The following POLRMT variants were observed in gnomAD, a reference collection of about 807,000 sequenced individuals.
POLRMT encodes the protein DNA-directed RNA polymerase, mitochondrial.
A neutral mutation model predicts 132.2 loss-of-function variants in POLRMT; 114 were observed. That is an observed-to-expected ratio of 0.86 (90% CI 0.74 to 1.01). The LOEUF (loss-of-function observed/expected upper bound fraction) is 1.01. Ranked by LOEUF, POLRMT falls within the 50% of genes least tolerant of loss-of-function variation. The probability of loss-of-function intolerance (pLI) is 0.00; values close to 1 mark genes in which losing one functional copy is unlikely to be tolerated. For missense variants in POLRMT, 2,003 were observed against 1,729.1 expected (o/e 1.16, Z -2.81); for synonymous variants, 1,020 against 773.4 (o/e 1.32, Z -5.29).
Position 621,356 on chromosome 19 carries a change from T to C in POLRMT, c.2342A>G (p.Tyr781Cys). The C allele has an allele frequency of 2.5e-6, 4 of 1,576,562 alleles. No individual in the cohort carries two copies. The highest frequency in any genetic ancestry group is 3.4e-6 in the Non-Finnish European group (4 of 1,169,628). ...EMHSLRAEAL[Y>C]RLSLAQHLRD... ...CAGGTGCTGCGCCAGCGAGAGGCGG[T>C]ACAGCGCCTCCGCCCGCAGGCTGTG... The change falls in exon 10 of 21, where the codon TAC (tyrosine) becomes TGC (cysteine). Residue 781 changes from tyrosine to cysteine, a missense_variant. Physicochemically the swap from Tyr to Cys is radical, Grantham distance 194. Coordinates refer to ENST00000588649, the MANE Select transcript of POLRMT (RefSeq NM_005035.4).
intron 5 of POLRMT, among the ~76,000 whole-genome samples, chr19:624,437 T>G (rs1429647306): frequency 6.6e-6 from 1 of 152,194 alleles, no homozygotes; most frequent in African/African-American, 2.4e-5. Flanking sequence ...ACGAGCCCAC[T>G]GCGTGCACCT....
intron 5 of POLRMT, 100 bp from the exon 6 acceptor site, chr19:623,703 G>T: frequency 2.8e-6 from 4 of 1,406,126 alleles, no homozygotes; most frequent in Non-Finnish European, 3.9e-6. Flanking sequence ...TGCGTCTCCT[G>T]CAAGTTGCTG....
chr19:622,015 A>G, intron 9 of POLRMT, 134 bp downstream of exon 9: 2 of 1,128,220 alleles, frequency 1.8e-6, no homozygotes, highest in Non-Finnish European at 2.5e-6. Context: ...ATGGACACCC[A>G]TGGTGTGTCC....
At chr19:627,617 A>C (rs1234773317) in intron 3 of POLRMT, among the ~76,000 whole-genome samples, 1 of 151,774 alleles carries the variant, frequency 6.6e-6, no homozygotes, top group Non-Finnish European at 1.5e-5. Flanking sequence ...AGAAAGTTCT[A>C]CTGGATGGTG....
At chr19:626,696 C>CAAATAAAAAAAAAAAAAA (rs1555676850) in intron 3 of POLRMT, among the ~76,000 whole-genome samples, 2 of 105,020 alleles carry the variant, frequency 1.9e-5, no homozygotes, top group African/African-American at 8.6e-5. Context: ...ACTAAAAATA[C>CAAATAAAAAAAAAAAAAA]AAAAAAAAAA....
At chr19:623,105 G>T (rs1025615780) in intron 6 of POLRMT, 120 bp from the exon 7 acceptor site, 1 of 1,276,852 alleles carries the variant, frequency 7.8e-7, no homozygotes, top group Non-Finnish European at 1.1e-6. Context: ...CCTGCTGTGT[G>T]TTCCGGGTAG....
rs1021413556 is a variant in POLRMT at position 619,047 on chromosome 19, G to C, written c.3217C>G (p.Pro1073Ala). 6.2e-7 allele frequency: 1 copy of C among 1,607,548 alleles called. No individual in the cohort carries two copies. Among genetic ancestry groups the C allele is most frequent in the Non-Finnish European group, 8.5e-7 (1 of 1,177,328 alleles). ...HMGSVVEWVT[P>A]LGVPVIQPYR... ...GGCTGGATGACGGGGACGCCCAGGGGTGTGACCCACTCCACCACAGAGCCC... is the reference window on the plus strand; with the variant it reads ...GGCTGGATGACGGGGACGCCCAGGGCTGTGACCCACTCCACCACAGAGCCC... Residue 1073 changes from proline (P) to alanine (A), a missense_variant, in exon 15 of 21, where the codon CCC becomes GCC. Transcript: ENST00000588649.
At chr19:624,415 C>G (rs375912007) in intron 5 of POLRMT, among the ~76,000 whole-genome samples, 36 of 152,270 alleles carry the variant, frequency 2.4e-4, no homozygotes, top group African/African-American at 8.7e-4. Flanking sequence ...GTGAATTACA[C>G]CTCAGTAACA....
At chr19:617,700 TG>T in intron 18 of POLRMT, 45 bp from the exon 19 acceptor site, 3 of 1,611,724 alleles carry the variant, frequency 1.9e-6, no homozygotes, top group Non-Finnish European at 2.5e-6. Flanking sequence ...AGGCAGGCTC[TG>T]GGCACCACCC....
In POLRMT at chr19:621,069, G is replaced by T. The variant is rs764762072; in HGVS notation, c.2629C>A (p.Gln877Lys). ...VMDDILDSADQPLTGRKWWMG... is the reference protein window; with the variant it reads ...VMDDILDSADKPLTGRKWWMG... ...GGCCCCGCCCCTACCGTCAAGGGTT[G>T]GTCCGCGGAGTCCAGGATGTCATCC... is the stretch of plus-strand genomic sequence containing the variant. Residue 877 changes from glutamine to lysine, a missense_variant, in exon 10 of 21, where the codon CAA becomes AAA. By Grantham distance (53) the Gln-to-Lys change is moderately conservative. Coordinates refer to ENST00000588649, the MANE Select transcript of POLRMT (RefSeq NM_005035.4). 6 of 1,602,262 alleles carry T rather than the reference G, an allele frequency of 3.7e-6. No individual in the cohort carries two copies. The highest frequency in any genetic ancestry group is 1.7e-5 in the Admixed American group (1 of 59,392).
At chr19:620,849 G>A (rs577252431) in intron 10 of POLRMT, among the ~76,000 whole-genome samples, 15 of 109,864 alleles carry the variant, frequency 1.4e-4, no homozygotes, top group African/African-American at 5.1e-4. Context: ...AGGACGGGCA[G>A]GGGGCGCGGG....
At position 622,822 on chromosome 19, in the gene POLRMT, T is replaced by C. The variant is rs1436298817; in HGVS notation, c.1454A>G (p.Gln485Arg). The C allele has an allele frequency of 2.5e-6, 4 of 1,591,038 alleles. No individual in the cohort carries two copies. Among genetic ancestry groups the C allele is most frequent in the Non-Finnish European group, 3.4e-6 (4 of 1,169,840 alleles). ...CCGGCCGCGCGGAGGAAGACGCACC[T>C]GCAGGAGCATCCGCACCACCTCGCG... ...DEREVVRMLL[Q>R]VLQALPAQGE... Residue 485 changes from glutamine to arginine, a missense_variant and splice_region_variant, in exon 7 of 21, where the codon CAG (glutamine) becomes CGG (arginine). Gln to Arg is a conservative substitution (Grantham distance 43). Coordinates refer to ENST00000588649, the MANE Select transcript of POLRMT (RefSeq NM_005035.4).
intron 10 of POLRMT, among the ~76,000 whole-genome samples, 189 bp downstream of exon 10, chr19:620,869 C>A (rs1425674241): frequency 2.7e-5 from 2 of 74,932 alleles, no homozygotes; most frequent in African/African-American, 1.1e-4. Flanking sequence ...GGGAGGAGAG[C>A]GGGCGGGGGA....
In POLRMT at chr19:624,776, C is replaced by T. The variant is rs749725214; in HGVS notation, c.1083G>A (p.Pro361=). The part of the protein sequence containing the change: ...VHKVKPTFSL[P]PQLPPPVNTS... ...TGTTGACCGGGGGCGGCAGCTGCGG[C>T]GGGAGGCTGAAGGTGGGCTTCACCT... Residue 361 remains proline (P), a synonymous_variant, in exon 5 of 21, where the codon CCG becomes CCA. Transcript: ENST00000588649. The T allele has an allele frequency of 1.2e-5, 19 of 1,613,608 alleles. No individual in the cohort carries two copies. In the South Asian group the frequency reaches 1.5e-4, roughly 13 times the overall value.
chr19:624,585 G>C, intron 5 of POLRMT, 134 bp downstream of exon 5: 1 of 1,015,744 alleles, frequency 9.8e-7, no homozygotes, highest in Non-Finnish European at 1.4e-6. Flanking sequence ...CTCAGAGGAG[G>C]AAGGGAGGAA....
intron 11 of POLRMT, 105 bp downstream of exon 11, chr19:620,260 C>G (rs1653676171): frequency 6.9e-7 from 1 of 1,458,796 alleles, no homozygotes; most frequent in African/African-American, 1.4e-5. Context: ...TCTAGGACCA[C>G]CTCCAGAGAA....
At chr19:628,062 G>C (rs1208844533) in intron 3 of POLRMT, among the ~76,000 whole-genome samples, 1 of 152,190 alleles carries the variant, frequency 6.6e-6, no homozygotes. Flanking sequence ...CTGCTCGGGA[G>C]GCTGAGCTCG....
intron 3 of POLRMT, among the ~76,000 whole-genome samples, chr19:626,790 G>C (rs1032818768): frequency 6.6e-6 from 1 of 151,294 alleles, no homozygotes; most frequent in Non-Finnish European, 1.5e-5. Context: ...AACGCAGAAA[G>C]CGGAAATTGC....
At chr19:623,074 G>C (rs1277685639) in intron 6 of POLRMT, 89 bp from the exon 7 acceptor site, 3 of 1,450,926 alleles carry the variant, frequency 2.1e-6, no homozygotes, top group Non-Finnish European at 2.8e-6. Context: ...TCCCTGCAGA[G>C]ACCTCATGGC....
Sources: allele counts gnomAD v4.1 joint callset (sites outside exome capture counted in the v4.1 genomes callset), GRCh38; gene constraint gnomAD v4.1.1; transcripts MANE v1.5; gene names NCBI Gene and HGNC (gene_info 2026-07-23, HGNC 2026-07-21).